HPSE2: variants seen among roughly 807,000 people sequenced by gnomAD.
HPSE2 encodes the protein heparanase 2 (inactive), also known as inactive heparanase-2.
Under a neutral mutation model 60.5 loss-of-function variants are expected in HPSE2, and 38 were observed. The ratio of observed to expected loss-of-function variants is 0.63; its 90% CI spans 0.48 to 0.82. The LOEUF is 0.82. Ranked by LOEUF, HPSE2 falls within the 40% of genes least tolerant of loss-of-function variation. HPSE2 has a pLI of 0.00. For missense variants in HPSE2, 713 were observed against 740.4 expected (o/e 0.96, Z 0.43); for synonymous variants, 295 against 293.2 (o/e 1.01, Z -0.06).
At chr10:99,229,165 T>A (rs1404574520) in intron 2 of HPSE2, among the ~76,000 whole-genome samples, 1 of 147,780 alleles carries the variant, frequency 6.8e-6, no homozygotes, top group Admixed American at 6.7e-5. Context: ...AAGAGGAGAC[T>A]CCATATCGAA....
At chr10:98,735,718 G>T (rs964005686) in intron 4 of HPSE2, among the ~76,000 whole-genome samples, 1 of 152,242 alleles carries the variant, frequency 6.6e-6, no homozygotes, top group Non-Finnish European at 1.5e-5. Context: ...CGATTTGACT[G>T]CCCTGCTTGA....
the HPSE2 span, among the ~76,000 whole-genome samples, chr10:99,310,986 A>G: frequency 2.4e-4 from 36 of 151,992 alleles, no homozygotes; most frequent in African/African-American, 8.4e-4. Context: ...TTCTCCTATA[A>G]CATAATTTTT....
intron 3 of HPSE2, among the ~76,000 whole-genome samples, chr10:98,873,721 G>T (rs1281806031): frequency 6.6e-6 from 1 of 151,926 alleles, no homozygotes; most frequent in Non-Finnish European, 1.5e-5. Flanking sequence ...ATTCTTTTGG[G>T]TATATACCAG....
chr10:98,725,319 C>A (rs1479991236), intron 4 of HPSE2, among the ~76,000 whole-genome samples: 1 of 152,126 alleles, frequency 6.6e-6, no homozygotes, highest in South Asian at 2.1e-4. Flanking sequence ...GAACAGAGCC[C>A]TCAGAAATAA....
chr10:99,193,771 C>T (rs1224512316), intron 2 of HPSE2, among the ~76,000 whole-genome samples: 1 of 152,014 alleles, frequency 6.6e-6, no homozygotes, highest in Non-Finnish European at 1.5e-5. Context: ...AACACTGGAG[C>T]ACCTGATATA....
chr10:98,811,975 T>C lies in HPSE2; in HGVS notation c.611-67919A>G, dbSNP rs528624829. ...AGTCTCAATTTGTGATTGTTAATTG[T>C]TAGGATATAGAAATACAATTCTTTT... is the stretch of plus-strand genomic sequence containing the variant. On this transcript the variant is annotated intron_variant, in intron 3 of 11. Coordinates refer to ENST00000370552, the MANE Select transcript of HPSE2 (RefSeq NM_021828.5). Among the ~76,000 whole-genome samples the C allele has an allele frequency of 2.0e-5, 3 of 152,294 alleles. No individual in the cohort carries two copies. In the East Asian group the frequency reaches 5.8e-4, roughly 29 times the overall value.
At chr10:99,269,310 T>A in the HPSE2 span, among the ~76,000 whole-genome samples, 8 of 152,160 alleles carry the variant, frequency 5.3e-5, no homozygotes, top group African/African-American at 1.9e-4. Flanking sequence ...ACTATTCTCA[T>A]ATCAGACAAA....
intron 9 of HPSE2, among the ~76,000 whole-genome samples, chr10:98,582,363 T>C (rs1944824311): frequency 6.6e-6 from 1 of 152,254 alleles, no homozygotes; most frequent in Admixed American, 6.5e-5. Context: ...ACTGTTTTAA[T>C]ACTATAAAAG....
chr10:98,964,327 G>C (rs1483695039), intron 3 of HPSE2, among the ~76,000 whole-genome samples: 1 of 151,976 alleles, frequency 6.6e-6, no homozygotes, highest in Non-Finnish European at 1.5e-5. Context: ...TATAAATAAA[G>C]AAGTTTATTA....
intron 9 of HPSE2, among the ~76,000 whole-genome samples, chr10:98,590,622 G>A (rs1945064562): frequency 6.6e-6 from 1 of 152,174 alleles, no homozygotes; most frequent in African/African-American, 2.4e-5. Flanking sequence ...CATTTCTCCA[G>A]TACAGAAACA....
intron 2 of HPSE2, among the ~76,000 whole-genome samples, chr10:99,172,180 C>G (rs1248655169): frequency 6.6e-6 from 1 of 152,170 alleles, no homozygotes; most frequent in Non-Finnish European, 1.5e-5. Context: ...CAAGCCTTGC[C>G]TCCCTCCTTC....
chr10:98,960,296 C>T (rs1955618539), intron 3 of HPSE2, among the ~76,000 whole-genome samples: 1 of 152,138 alleles, frequency 6.6e-6, no homozygotes, highest in South Asian at 2.1e-4. Context: ...AGTTTCAAAG[C>T]CAAGGAACAG....
At chr10:98,799,203 A>AC (rs1482852164) in intron 3 of HPSE2, among the ~76,000 whole-genome samples, 1 of 152,248 alleles carries the variant, frequency 6.6e-6, no homozygotes, top group African/African-American at 2.4e-5. Context: ...AGGTCATTAT[A>AC]TAATGATAAA....
chr10:99,099,288 C>A (rs1277569520), intron 3 of HPSE2, among the ~76,000 whole-genome samples: 1 of 152,212 alleles, frequency 6.6e-6, no homozygotes, highest in East Asian at 1.9e-4. Flanking sequence ...CAGGTCACTC[C>A]CACTCTAATA....
intron 9 of HPSE2, among the ~76,000 whole-genome samples, 162 bp downstream of exon 9, chr10:98,614,742 G>A (rs1945857062): frequency 6.6e-6 from 1 of 150,438 alleles, no homozygotes; most frequent in African/African-American, 2.5e-5. Flanking sequence ...CCAAAAGTCT[G>A]TAAAACGGAT....
intron 2 of HPSE2, among the ~76,000 whole-genome samples, chr10:99,188,124 G>A (rs1297842974): frequency 2.0e-5 from 3 of 152,146 alleles, no homozygotes; most frequent in Non-Finnish European, 4.4e-5. Flanking sequence ...TATGGATATT[G>A]AGGGACAAGT....
intron 3 of HPSE2, among the ~76,000 whole-genome samples, chr10:98,916,211 G>A (rs1333142501): frequency 6.6e-6 from 1 of 152,142 alleles, no homozygotes; most frequent in Non-Finnish European, 1.5e-5. Context: ...ATATAAAACT[G>A]TACCAAAATT....
At position 98,917,433 on chromosome 10, in the gene HPSE2, G is replaced by A. The variant is rs148694241; in HGVS notation, c.611-173377C>T. ...TATAAATTATATAAGCAATCATCAC[G>A]TGAGTGGGTGGAAATGATTCTGAAA... On this transcript the variant is annotated intron_variant, in intron 3 of 11. Coordinates refer to ENST00000370552, the MANE Select transcript of HPSE2 (RefSeq NM_021828.5). Among the ~76,000 whole-genome samples the A allele has an allele frequency of 1.6e-3, 246 of 152,270 alleles. 1 individual carries two copies. Among genetic ancestry groups the A allele is most frequent in the African/African-American group, 5.6e-3 (233 of 41,558 alleles).
At chr10:98,676,026 C>G (rs1312005542) in intron 6 of HPSE2, among the ~76,000 whole-genome samples, 2 of 148,370 alleles carry the variant, frequency 1.3e-5, no homozygotes, top group African/African-American at 4.9e-5. Context: ...CAGAGTAAAA[C>G]GCTGCCTCAA....
Sources: allele counts gnomAD v4.1 joint callset (sites outside exome capture counted in the v4.1 genomes callset), GRCh38; gene constraint gnomAD v4.1.1; transcripts MANE v1.5; gene names NCBI Gene and HGNC (gene_info 2026-07-23, HGNC 2026-07-21).